Variants in DIP2A observed in about 807,000 individuals in gnomAD.
DIP2A encodes the protein DIP2 acetate--CoA ligase A.
A neutral mutation model predicts 177.4 loss-of-function variants in DIP2A; 85 were observed. The ratio of observed to expected loss-of-function variants is 0.48; its 90% CI spans 0.40 to 0.57. The LOEUF is 0.57. DIP2A is among the 20% of genes least tolerant of loss of function. The pLI, the probability that DIP2A is intolerant of heterozygous loss-of-function variation, is 0.00. For missense variants in DIP2A, 1,791 were observed against 2,100.2 expected, an observed-to-expected ratio of 0.85 and a Z score of 2.88; for synonymous variants, 886 against 881.8, an observed-to-expected ratio of 1.00 and a Z score of -0.08.
At chr21:46,472,738 A>G (rs932823826) in intron 1 of DIP2A, among the ~76,000 whole-genome samples, 1 of 152,140 alleles carries the variant, frequency 6.6e-6, no homozygotes, top group African/African-American at 2.4e-5. Flanking sequence ...AGGAATTTGG[A>G]CTTGATTCTC....
At chr21:46,531,404 CAGAAA>C (rs2059350905) in intron 9 of DIP2A, among the ~76,000 whole-genome samples, 1 of 152,112 alleles carries the variant, frequency 6.6e-6, no homozygotes, top group African/African-American at 2.4e-5. Flanking sequence ...TAGCTGTTAT[CAGAAA>C]AGAAAGGAAA....
At chr21:46,491,990 T>C (rs757837027) in intron 3 of DIP2A, among the ~76,000 whole-genome samples, 48 of 152,366 alleles carry the variant, frequency 3.2e-4, no homozygotes, top group Middle Eastern at 3.4e-3. Context: ...TGATGAAGTC[T>C]AAGTTATCAT....
chr21:46,526,986 C>T (rs910798338), intron 8 of DIP2A, among the ~76,000 whole-genome samples: 1 of 149,462 alleles, frequency 6.7e-6, no homozygotes, highest in Non-Finnish European at 1.5e-5. Context: ...AAAGATGCCC[C>T]TTATCACATT....
At chr21:46,478,320 C>A (rs191678712) in intron 1 of DIP2A, among the ~76,000 whole-genome samples, 30 of 152,110 alleles carry the variant, frequency 2.0e-4, no homozygotes, top group Admixed American at 1.7e-3. Flanking sequence ...TCAAGCCATT[C>A]TCCTGCCTCA....
chr21:46,515,588 G>C (rs867072246), intron 8 of DIP2A, among the ~76,000 whole-genome samples: 7 of 152,112 alleles, frequency 4.6e-5, no homozygotes, highest in African/African-American at 1.7e-4. Flanking sequence ...CCAGGCTGGA[G>C]TGCAAGGGCG....
In DIP2A at chr21:46,554,592, G is replaced by A. The variant is rs760104702; in HGVS notation, c.3172G>A (p.Ala1058Thr). 6 of 1,611,704 alleles carry A rather than the reference G, an allele frequency of 3.7e-6. No individual in the cohort carries two copies. The highest frequency in any genetic ancestry group is 2.2e-5 in the East Asian group (1 of 44,818). Residue 1058 changes from alanine (A) to threonine (T), a missense_variant, in exon 27 of 38, where the codon GCG (alanine) becomes ACG (threonine). Physicochemically the swap from Ala to Thr is moderately conservative, Grantham distance 58. Coordinates refer to ENST00000417564, the MANE Select transcript of DIP2A (RefSeq NM_015151.4). ...VYPPGVDLIA[A>T]FYGCLYCGCV... The stretch of plus-strand genomic sequence containing the variant: ...CTCCACAGGGGTGGACCTCATTGCC[G>A]CGTTCTATGGCTGCTTGTACTGTGG...
chr21:46,572,825 C>G (rs1454540358), downstream of DIP2A, among the ~76,000 whole-genome samples: 1 of 152,140 alleles, frequency 6.6e-6, no homozygotes, highest in Admixed American at 6.5e-5. Flanking sequence ...GATTTTAATC[C>G]TTTATACTGT....
chr21:46,549,499 T>A (rs1438927658), intron 21 of DIP2A, among the ~76,000 whole-genome samples: 1 of 152,166 alleles, frequency 6.6e-6, no homozygotes, highest in East Asian at 1.9e-4. Flanking sequence ...TTACATCAGA[T>A]TAAGGAATTT....
intron 5 of DIP2A, among the ~76,000 whole-genome samples, chr21:46,504,081 C>A (rs952687159): frequency 4.6e-5 from 7 of 152,230 alleles, no homozygotes; most frequent in Non-Finnish European, 8.8e-5. Flanking sequence ...GGCAGGTTTA[C>A]TCTGTGCCTG....
At chr21:46,472,100 A>G (rs2055436061) in intron 1 of DIP2A, among the ~76,000 whole-genome samples, 1 of 152,220 alleles carries the variant, frequency 6.6e-6, no homozygotes, top group African/African-American at 2.4e-5. Context: ...TTTAAGATCA[A>G]ATGAGGTCAA....
chr21:46,482,578 TCAAA>T (rs1186957319), intron 1 of DIP2A, among the ~76,000 whole-genome samples: 1 of 152,234 alleles, frequency 6.6e-6, no homozygotes, highest in African/African-American at 2.4e-5. Context: ...ATGTTAACTG[TCAAA>T]CAGCCTCAGG....
At position 46,498,923 on chromosome 21, in the gene DIP2A, G is replaced by T; in HGVS notation, c.655+90G>T. ...GAGCAGATGGAGGGCACCTGAGCCA[G>T]GCGCCACCCTGCAGACTTAGCTGCA... On this transcript the variant is annotated intron_variant, in intron 5 of 37. Coordinates refer to ENST00000417564, the MANE Select transcript of DIP2A (RefSeq NM_015151.4). The surrounding 1 kb of genome is among the most constrained non-coding windows in gnomAD (Gnocchi z 4.3). 1 of 1,453,470 alleles carries T rather than the reference G, an allele frequency of 6.9e-7. No individual in the cohort carries two copies. The allele number at this position is 1,453,470 out of a possible 1,614,324, so 90.0% of individuals were successfully genotyped here.
At chr21:46,500,167 T>A (rs746264070) in intron 5 of DIP2A, among the ~76,000 whole-genome samples, 8 of 152,226 alleles carry the variant, frequency 5.3e-5, no homozygotes, top group Admixed American at 2.6e-4. Flanking sequence ...TGTGTTTCCA[T>A]TGAACATGTG....
rs1158910021 is a variant in DIP2A, at chr21:46,516,488, C to CTTTTTTT, written c.1102+4889_1102+4895dup. 2.6e-4 allele frequency among the ~76,000 whole-genome samples: 20 copies of CTTTTTTT among 76,380 alleles called. 1 individual carries two copies. Among genetic ancestry groups the CTTTTTTT allele is most frequent in the Non-Finnish European group, 4.6e-4 (17 of 36,606 alleles). 50.1% of individuals were successfully genotyped at this position (76,380 alleles called of 152,430 possible). Reference sequence around the variant, plus strand: ...TCTTTAATCTTGTCTTCTGAAATTTCTTTTTTTTTTTTTTTTTTTTTGAGA... The same window carrying CTTTTTTT: ...TCTTTAATCTTGTCTTCTGAAATTTCTTTTTTTTTTTTTTTTTTTTTTTTTTTTGAGA... On this transcript the variant is annotated intron_variant, in intron 8 of 37. Transcript: ENST00000417564.
chr21:46,464,817 C>CG (rs2054651612), intron 1 of DIP2A, among the ~76,000 whole-genome samples: 1 of 73,442 alleles, frequency 1.4e-5, no homozygotes, highest in African/African-American at 6.1e-5. Flanking sequence ...ATATTCATGT[C>CG]TTTTTTTTTT....
chr21:46,544,616 C>T (rs1007668445), intron 18 of DIP2A, among the ~76,000 whole-genome samples: 1 of 152,202 alleles, frequency 6.6e-6, no homozygotes, highest in Non-Finnish European at 1.5e-5. Flanking sequence ...GGTATTTCTC[C>T]ATGAAGATAT....
rs373715450 is a variant in DIP2A, at chr21:46,511,542, A to T, written c.1030A>T (p.Thr344Ser). ...GTTGGCCACCTTGCAGCGCTGGGGCACAACACAGCCCAAATCCCCCTGTCT... is the reference window on the plus strand; with the variant it reads ...GTTGGCCACCTTGCAGCGCTGGGGCTCAACACAGCCCAAATCCCCCTGTCT... ...SLLATLQRWG[T>S]TQPKSPCLTA... Residue 344 changes from threonine to serine, a missense_variant, in exon 8 of 38, where the codon ACA becomes TCA. Physicochemically the swap from Thr to Ser is moderately conservative, Grantham distance 58. Coordinates refer to ENST00000417564, the MANE Select transcript of DIP2A (RefSeq NM_015151.4). 6.2e-7 allele frequency: 1 copy of T among 1,609,132 alleles called. No individual in the cohort carries two copies. Among genetic ancestry groups the T allele is most frequent in the African/African-American group, 1.3e-5 (1 of 74,620 alleles).
At chr21:46,483,826 A>T (rs576210961) in intron 1 of DIP2A, among the ~76,000 whole-genome samples, 1 of 152,182 alleles carries the variant, frequency 6.6e-6, no homozygotes, top group African/African-American at 2.4e-5. Context: ...AAACTCTACC[A>T]TGTTCACCCA....
rs748780210 is a variant in DIP2A, at chr21:46,565,708, A to G, written c.4165-5A>G. The stretch of plus-strand genomic sequence containing the variant: ...CATCACATTCTTGTCCTCTGGGCCC[A>G]CCAGATCTGGGTAAGCAGCCCCCAC... On this transcript the variant is annotated splice_region_variant and splice_polypyrimidine_tract_variant and intron_variant, in intron 35 of 37. Transcript: ENST00000417564. 1 of 1,612,654 alleles carries G rather than the reference A, an allele frequency of 6.2e-7. No homozygotes were observed. The highest frequency in any genetic ancestry group is 8.5e-7 in the Non-Finnish European group (1 of 1,179,190).
Sources: allele counts gnomAD v4.1 joint callset (sites outside exome capture counted in the v4.1 genomes callset), GRCh38; gene constraint gnomAD v4.1.1; non-coding constraint Gnocchi (gnomAD v3.1); transcripts MANE v1.5; gene names NCBI Gene and HGNC (gene_info 2026-07-23, HGNC 2026-07-21).